The following MGA variants were observed in gnomAD, a reference collection of about 807,000 sequenced individuals.
MGA encodes MAX dimerization protein MGA, also known as MAX gene-associated protein.
A neutral mutation model predicts 261.1 loss-of-function variants in MGA; 40 were observed. The ratio of observed to expected loss-of-function variants is 0.15; its 90% confidence interval spans 0.12 to 0.20. The LOEUF (loss-of-function observed/expected upper bound fraction) is 0.20, where lower values mean the gene tolerates loss of function less well. Among genes scored for constraint, MGA ranks in the 10% least tolerant of loss-of-function variants. The pLI is 1.00. For missense variants in MGA, 3,397 were observed against 3,630.5 expected, an observed-to-expected ratio of 0.94 and a Z score of 1.65; for synonymous variants, 1,302 against 1,290.6, an observed-to-expected ratio of 1.01 and a Z score of -0.19.
chr15:41,714,072 T>A (rs565108412), intron 9 of MGA, among the ~76,000 whole-genome samples: 1 of 152,326 alleles, frequency 6.6e-6, no homozygotes, highest in South Asian at 2.1e-4. Context: ...CTGTTATATC[T>A]TTGTATTTTG....
At chr15:41,755,086 C>T (rs1345522166) in intron 18 of MGA, among the ~76,000 whole-genome samples, 2 of 152,096 alleles carry the variant, frequency 1.3e-5, no homozygotes, top group African/African-American at 2.4e-5. Flanking sequence ...TCCTGTTTCA[C>T]TGGTGAGATG....
upstream of MGA, among the ~76,000 whole-genome samples, chr15:41,659,585 T>C (rs2057288607): frequency 6.6e-6 from 1 of 152,210 alleles, no homozygotes; most frequent in Non-Finnish European, 1.5e-5. Context: ...TTTTGAAGGT[T>C]AGGAGAAATA....
intron 1 of MGA, among the ~76,000 whole-genome samples, chr15:41,632,075 A>G (rs1054631426): frequency 2.6e-5 from 4 of 152,112 alleles, no homozygotes; most frequent in Admixed American, 1.3e-4. Context: ...AAAGCTCACT[A>G]CCTCATAGTT....
At chr15:41,755,694 A>C (rs1260041563) in intron 18 of MGA, among the ~76,000 whole-genome samples, 1 of 152,242 alleles carries the variant, frequency 6.6e-6, no homozygotes, top group Non-Finnish European at 1.5e-5. Context: ...ACACAGCACA[A>C]ACACTGTAAG....
intron 1 of MGA, among the ~76,000 whole-genome samples, chr15:41,655,365 G>A (rs1346821747): frequency 6.6e-6 from 1 of 151,754 alleles, no homozygotes; most frequent in African/African-American, 2.4e-5. Context: ...TTTTAGTGGA[G>A]CCTTGCTGTG....
chr15:41,709,010 G>A (rs2060252020), intron 7 of MGA, among the ~76,000 whole-genome samples: 3 of 152,124 alleles, frequency 2.0e-5, no homozygotes, highest in Admixed American at 1.3e-4. Flanking sequence ...TTATAACAAT[G>A]TAATTCATGT....
At chr15:41,762,428 A>G in intron 22 of MGA, 66 bp downstream of exon 22, 1 of 615,628 alleles carries the variant, frequency 1.6e-6, no homozygotes, top group Non-Finnish European at 2.4e-6. Context: ...TGGACTGACC[A>G]CCTTCTCTTG....
At position 41,645,089 on chromosome 15, in the gene MGA, ATTTG is replaced by A. The variant is rs2056909662; in HGVS notation, c.-67-23735_-67-23732del. The stretch of plus-strand genomic sequence containing the variant: ...AATTCTTTTTTTGGGGAGGATAACA[ATTTG>A]TTTAATTGAAGTTCAAAGTAAATGT... On this transcript the variant is annotated intron_variant, in intron 1 of 8. Coordinates refer to the MGA transcript ENST00000566718. 2.0e-5 allele frequency among the ~76,000 whole-genome samples: 3 copies of A among 152,338 alleles called. No homozygotes were observed. In the South Asian group the frequency reaches 6.2e-4, roughly 32 times the overall value.
intron 10 of MGA, 53 bp downstream of exon 10, chr15:41,727,459 A>T: frequency 6.5e-7 from 1 of 1,527,128 alleles, no homozygotes; most frequent in Non-Finnish European, 9.0e-7. Context: ...ATGTGTAAAG[A>T]TGGTGTGTTT....
chr15:41,712,126 TAGA>T (rs1245678621), intron 8 of MGA, among the ~76,000 whole-genome samples: 1 of 152,220 alleles, frequency 6.6e-6, no homozygotes, highest in Admixed American at 6.5e-5. Flanking sequence ...TTTTATATTT[TAGA>T]AGTTTTATGG....
chr15:41,758,297 T>A (rs2063259226), intron 19 of MGA, among the ~76,000 whole-genome samples: 1 of 152,190 alleles, frequency 6.6e-6, no homozygotes, highest in Non-Finnish European at 1.5e-5. Flanking sequence ...GCAGGGTTTT[T>A]TGTTTATCCT....
In MGA at chr15:41,749,622, T is replaced by G; in HGVS notation, c.6015T>G (p.Ala2005=). 1 of 1,613,882 alleles carries G rather than the reference T, an allele frequency of 6.2e-7. No homozygotes were observed. The highest frequency in any genetic ancestry group is 8.5e-7 in the Non-Finnish European group (1 of 1,179,870). ...AAGGAGAGGCTGTAGACCCTGAGGC[T>G]AATGTAATAAAACAAAACTCAGGAG... Residue 2005 remains alanine (A), a synonymous_variant, in exon 17 of 24, where the codon GCT becomes GCG. Transcript: ENST00000219905.
chr15:41,688,931 A>G (rs956614941), intron 2 of MGA, among the ~76,000 whole-genome samples: 11 of 152,186 alleles, frequency 7.2e-5, no homozygotes, highest in East Asian at 3.9e-4. Context: ...ATGTCCACAC[A>G]TGGGGGGAGC....
At position 41,739,905 on chromosome 15, in the gene MGA, G is replaced by T; in HGVS notation, c.4435-148G>T. On this transcript the variant is annotated intron_variant, in intron 13 of 23. Coordinates refer to ENST00000219905, the MANE Select transcript of MGA (RefSeq NM_001164273.2). ...GAATTTCTCTTTGCCACTTGTTTCA[G>T]GTTAATGGTAAGAGTTACCCGCAGG... 6.2e-7 allele frequency: 1 copy of T among 1,610,308 alleles called. No individual in the cohort carries two copies. Among genetic ancestry groups the T allele is most frequent in the Non-Finnish European group, 8.5e-7 (1 of 1,177,908 alleles).
intron 14 of MGA, among the ~76,000 whole-genome samples, chr15:41,740,596 A>G (rs984503546): frequency 2.6e-5 from 4 of 152,154 alleles, no homozygotes; most frequent in Admixed American, 1.3e-4. Flanking sequence ...ATTATTTACT[A>G]AAATATTTTA....
At chr15:41,658,300 G>GAC (rs1291472712), upstream of MGA, among the ~76,000 whole-genome samples, 1 of 152,190 alleles carries the variant, frequency 6.6e-6, no homozygotes, top group African/African-American at 2.4e-5. Context: ...TTAGCAGTTA[G>GAC]CTTGGCATTC....
At chr15:41,727,507 G>A in intron 10 of MGA, 101 bp downstream of exon 10, 8 of 1,114,892 alleles carry the variant, frequency 7.2e-6, no homozygotes, top group South Asian at 6.0e-5. Context: ...GAATCATTTT[G>A]CTTTCAGTAA....
In MGA at chr15:41,739,959, A is replaced by G. The variant is rs1463239031; in HGVS notation, c.4435-94A>G. ...AGTTGCTATTGGGACAGATGGGGGC[A>G]TTGCATCCAGCCAATAGGCTAGCTG... On this transcript the variant is annotated intron_variant, in intron 13 of 23. Coordinates refer to ENST00000219905, the MANE Select transcript of MGA (RefSeq NM_001164273.2). 3.1e-6 allele frequency: 5 copies of G among 1,613,112 alleles called. No individual in the cohort carries two copies. The Middle Eastern group carries it at 8.3e-4, about 266-fold the overall frequency.
In MGA at chr15:41,766,421, T is replaced by C. The variant is rs1458565968; in HGVS notation, c.8339T>C (p.Met2780Thr). ...GATTCTTCATTTCATAAATTAAAGATGAAAGATCTCAAGGACTCAAGCATA... is the reference window on the plus strand; with the variant it reads ...GATTCTTCATTTCATAAATTAAAGACGAAAGATCTCAAGGACTCAAGCATA... The change falls in exon 24 of 24, where the codon ATG becomes ACG. Residue 2780 changes from methionine to threonine, a missense_variant. Coordinates refer to ENST00000219905, the MANE Select transcript of MGA (RefSeq NM_001164273.2). 5.0e-6 allele frequency: 8 copies of C among 1,613,686 alleles called. No homozygotes were observed. The highest frequency in any genetic ancestry group is 6.8e-6 in the Non-Finnish European group (8 of 1,179,810).
Sources: allele counts gnomAD v4.1 joint callset (sites outside exome capture counted in the v4.1 genomes callset), GRCh38; gene constraint gnomAD v4.1.1; transcripts MANE v1.5; gene names NCBI Gene and HGNC (gene_info 2026-07-23, HGNC 2026-07-21).